MTBP: variants seen among roughly 807,000 people sequenced by gnomAD.
MTBP encodes the protein MDM2 binding protein.
MTBP carries 101 observed loss-of-function variants against 117.0 expected under a neutral mutation model. That is an observed-to-expected ratio of 0.86 (90% CI 0.73 to 1.02). MTBP has a LOEUF of 1.02. Ranked by LOEUF, MTBP falls within the 50% of genes least tolerant of loss-of-function variation. The pLI, the probability that MTBP is intolerant of heterozygous loss-of-function variation, is 0.00. For synonymous variants in MTBP, 350 were observed against 351.5 expected, an observed-to-expected ratio of 1.00 and a Z score of 0.05; for missense variants, 970 against 1,030.9, an observed-to-expected ratio of 0.94 and a Z score of 0.81.
intron 11 of MTBP, among the ~76,000 whole-genome samples, chr8:120,478,779 G>T (rs1814003492): frequency 1.3e-5 from 2 of 152,050 alleles, no homozygotes; most frequent in South Asian, 2.1e-4. Flanking sequence ...CAGTGGATTG[G>T]ATAAAGAAAA....
At chr8:120,502,747 ATAGT>A (rs1435081018) in intron 15 of MTBP, 138 bp downstream of exon 15, 11 of 562,970 alleles carry the variant, frequency 2.0e-5, no homozygotes, top group East Asian at 1.2e-4. Flanking sequence ...CTGTGAATAG[ATAGT>A]TAATCACTAG....
At position 120,459,345 on chromosome 8, in the gene MTBP, C is replaced by A; in HGVS notation, c.878C>A (p.Pro293Gln). The change falls in exon 8 of 22, where the codon CCA (proline) becomes CAA (glutamine). Residue 293 changes from proline (P) to glutamine (Q), a missense_variant. Pro to Gln is a moderately conservative substitution (Grantham distance 76). Coordinates refer to ENST00000305949, the MANE Select transcript of MTBP (RefSeq NM_022045.5). ...CCATCAAAGGATAAGAATATTTTGC[C>A]AAAGGTAATCGTGTTTAATTTTTTT... The part of the protein sequence containing the change: ...IIPSKDKNIL[P>Q]KVFHYYGPAL... The A allele has an allele frequency of 1.9e-6, 3 of 1,601,040 alleles. No individual in the cohort carries two copies. The highest frequency in any genetic ancestry group is 1.1e-5 in the South Asian group (1 of 87,720).
In MTBP at chr8:120,516,206, G is replaced by T; in HGVS notation, c.2246+15G>T. 1 of 1,587,768 alleles carries T rather than the reference G, an allele frequency of 6.3e-7. No homozygotes were observed. Among genetic ancestry groups the T allele is most frequent in the Non-Finnish European group, 8.6e-7 (1 of 1,160,292 alleles). Reference sequence around the variant, plus strand: ...CCCAGAAAAAGGTGATATATTACATGCACATAAATAGTATATTGACAGAAA... The same window carrying T: ...CCCAGAAAAAGGTGATATATTACATTCACATAAATAGTATATTGACAGAAA... On this transcript the variant is annotated intron_variant, in intron 18 of 21. Coordinates refer to ENST00000305949, the MANE Select transcript of MTBP (RefSeq NM_022045.5).
In MTBP at chr8:120,456,606, A is replaced by G. The variant is rs757054093; in HGVS notation, c.683A>G (p.Asp228Gly). The G allele has an allele frequency of 5.3e-5, 85 of 1,601,854 alleles. No homozygotes were observed. The highest frequency in any genetic ancestry group is 7.0e-5 in the Non-Finnish European group (82 of 1,172,518). The part of the protein sequence containing the change: ...YLSANVVSLE[D>G]LRNVIDSKEL... ...TCTGCTAATGTTGTATCTTTAGAAG[A>G]TCTCAGAAATGTTATTGACTCAAAG... The change falls in exon 7 of 22, where the codon GAT (aspartate) becomes GGT (glycine). Residue 228 changes from aspartate to glycine, a missense_variant. Physicochemically the swap from Asp to Gly is moderately conservative, Grantham distance 94. Transcript: ENST00000305949.
intron 8 of MTBP, among the ~76,000 whole-genome samples, chr8:120,460,084 G>C (rs1813551255): frequency 6.6e-6 from 1 of 152,078 alleles, no homozygotes; most frequent in Non-Finnish European, 1.5e-5. Context: ...ATGTCAAATT[G>C]ATGGTTAATA....
chr8:120,461,317 G>A (rs1813578283), intron 9 of MTBP, 62 bp downstream of exon 9: 1 of 1,148,504 alleles, frequency 8.7e-7, no homozygotes, highest in Non-Finnish European at 1.3e-6. Flanking sequence ...GAATGTTCTG[G>A]TATTGTCAGG....
At chr8:120,465,129 T>C (rs1256890456) in intron 10 of MTBP, among the ~76,000 whole-genome samples, 1 of 152,192 alleles carries the variant, frequency 6.6e-6, no homozygotes, top group African/African-American at 2.4e-5. Flanking sequence ...ACCCTGCTTC[T>C]ATTTTAATCC....
Position 120,470,938 on chromosome 8 carries a change from G to T in MTBP, c.1165+1G>T. The T allele has an allele frequency of 6.4e-7, 1 of 1,556,694 alleles. No individual in the cohort carries two copies. The highest frequency in any genetic ancestry group is 1.7e-5 in the Admixed American group (1 of 59,858). On this transcript the variant is annotated splice_donor_variant, in intron 11 of 21. Transcript: ENST00000305949. LOFTEE classifies it high-confidence loss of function. Reference sequence around the variant, plus strand: ...GCTAAAAAGCCTAAAACAATCAGTGGTAAGTATTACATGTTTCGGTTGTTT... The same window carrying T: ...GCTAAAAAGCCTAAAACAATCAGTGTTAAGTATTACATGTTTCGGTTGTTT...
At chr8:120,445,959 A>G (rs1030256009) in intron 1 of MTBP, among the ~76,000 whole-genome samples, 17 of 152,256 alleles carry the variant, frequency 1.1e-4, no homozygotes, top group South Asian at 2.1e-4. Flanking sequence ...TTGCTGTCCT[A>G]CAATTTACAT....
chr8:120,478,217 C>T (rs148672686), intron 11 of MTBP, among the ~76,000 whole-genome samples: 2,889 of 151,840 alleles, frequency 0.019, 94 homozygotes, highest in African/African-American at 0.067. Flanking sequence ...AACACATGGA[C>T]ACAGGGAGGG....
intron 8 of MTBP, among the ~76,000 whole-genome samples, chr8:120,460,244 G>C (rs1813555167): frequency 6.6e-6 from 1 of 152,126 alleles, no homozygotes; most frequent in Non-Finnish European, 1.5e-5. Flanking sequence ...AGAATCGTAA[G>C]ATTCATGACC....
intron 20 of MTBP, among the ~76,000 whole-genome samples, chr8:120,519,116 A>T (rs572486328): frequency 6.6e-6 from 1 of 151,486 alleles, no homozygotes; most frequent in East Asian, 1.9e-4. Flanking sequence ...TTGGCCCTCC[A>T]TATCTGTGGG....
chr8:120,461,926 A>G (rs564716138), intron 9 of MTBP, among the ~76,000 whole-genome samples: 2 of 152,146 alleles, frequency 1.3e-5, no homozygotes, highest in Non-Finnish European at 2.9e-5. Context: ...AAATCAAAAT[A>G]CTCATTATTT....
At chr8:120,474,302 C>T (rs1586949944) in intron 11 of MTBP, among the ~76,000 whole-genome samples, 1 of 151,980 alleles carries the variant, frequency 6.6e-6, no homozygotes, top group Admixed American at 6.6e-5. Flanking sequence ...TAAAATCAAA[C>T]TGGACAGTTG....
chr8:120,479,365 C>A (rs966575482), intron 11 of MTBP, among the ~76,000 whole-genome samples: 2 of 152,114 alleles, frequency 1.3e-5, no homozygotes, highest in Non-Finnish European at 2.9e-5. Flanking sequence ...AAATAAAGGA[C>A]TGATAGGATT....
chr8:120,469,200 C>T (rs1340656765), intron 10 of MTBP, among the ~76,000 whole-genome samples: 28 of 152,206 alleles, frequency 1.8e-4, no homozygotes, highest in Admixed American at 1.8e-3. Flanking sequence ...CGTATGCCAC[C>T]ATGCCTGGCT....
Position 120,461,054 on chromosome 8 carries a change from A to C in MTBP, c.883-107A>C, listed in dbSNP as rs554923384. On this transcript the variant is annotated intron_variant, in intron 8 of 21. Coordinates refer to ENST00000305949, the MANE Select transcript of MTBP (RefSeq NM_022045.5). ...AATGCTAGGCATGCTTAATGTGTAA[A>C]AAGTTGCTTTTTAAGATCCATTTTA... The C allele has an allele frequency of 1.6e-5, 12 of 733,558 alleles. No homozygotes were observed. In the East Asian group the frequency reaches 3.3e-4, roughly 20 times the overall value. 45.4% of individuals were successfully genotyped at this position (733,558 alleles called of 1,614,324 possible).
intron 13 of MTBP, among the ~76,000 whole-genome samples, chr8:120,494,548 C>T (rs1481592178): frequency 4.6e-5 from 7 of 152,096 alleles, no homozygotes; most frequent in South Asian, 2.1e-4. Flanking sequence ...AAATAATGTA[C>T]GTATGCTGCT....
intron 11 of MTBP, among the ~76,000 whole-genome samples, chr8:120,484,139 G>A (rs1005097589): frequency 1.3e-5 from 2 of 152,092 alleles, no homozygotes; most frequent in Non-Finnish European, 2.9e-5. Flanking sequence ...TAAAATAAAT[G>A]TGGAAAGAAT....
Sources: allele counts gnomAD v4.1 joint callset (sites outside exome capture counted in the v4.1 genomes callset), GRCh38; gene constraint gnomAD v4.1.1; transcripts MANE v1.5; gene names NCBI Gene and HGNC (gene_info 2026-07-23, HGNC 2026-07-21).